Variants in SNX1 observed in about 807,000 individuals in gnomAD.
The protein encoded by SNX1 is sorting nexin-1.
In SNX1, 36 loss-of-function variants were observed where a neutral mutation model predicts 71.8. The ratio of observed to expected loss-of-function variants is 0.50; its 90% CI spans 0.38 to 0.66. SNX1 has a LOEUF of 0.66. Ranked by LOEUF, SNX1 falls within the 30% of genes least tolerant of loss-of-function variation. The pLI, the probability that SNX1 is intolerant of heterozygous loss-of-function variation, is 0.00. For missense variants in SNX1, 612 were observed against 646.7 expected (o/e 0.95, Z 0.58); for synonymous variants, 254 against 240.7 (o/e 1.06, Z -0.51).
chr15:64,133,749 C>T (rs3784383), intron 11 of SNX1, among the ~76,000 whole-genome samples: 5,295 of 152,244 alleles, frequency 0.035, 215 homozygotes, highest in Admixed American at 0.13. Flanking sequence ...AGAAAATATT[C>T]GGGGAACTTT....
Position 64,142,618 on chromosome 15 carries a change from T to C in SNX1, c.*5000T>C, listed in dbSNP as rs1478164879. 3 of 455,640 alleles carry C rather than the reference T, an allele frequency of 6.6e-6. No individual in the cohort carries two copies. The highest frequency in any genetic ancestry group is 8.8e-6 in the Non-Finnish European group (2 of 226,738). The allele number at this position is 455,640 out of a possible 1,614,324, so 28.2% of individuals were successfully genotyped here. ...AAGTTTCATGCTTGATAATTAAAAT[T>C]TTCTGAGATAGGAATGTCATATTTA... On this transcript the variant is annotated 3_prime_UTR_variant, in exon 15 of 15. Coordinates refer to ENST00000559844, the MANE Select transcript of SNX1 (RefSeq NM_003099.5).
chr15:64,103,257 T>TAG (rs2080983398), intron 1 of SNX1, among the ~76,000 whole-genome samples: 1 of 152,236 alleles, frequency 6.6e-6, no homozygotes, highest in African/African-American at 2.4e-5. Flanking sequence ...GTTACATTTT[T>TAG]AGTTCTTTTA....
chr15:64,130,467 A>C, intron 10 of SNX1, 146 bp downstream of exon 10: 1 of 674,526 alleles, frequency 1.5e-6, no homozygotes, highest in Non-Finnish European at 2.6e-6. Flanking sequence ...GATAAAAAAA[A>C]GGTATGCCCT....
intron 9 of SNX1, 91 bp downstream of exon 9, chr15:64,130,120 C>CT: frequency 2.7e-6 from 4 of 1,473,388 alleles, no homozygotes; most frequent in African/African-American, 1.4e-5. Context: ...AGATTAGAAA[C>CT]TTTTTTATAA....
intron 2 of SNX1, among the ~76,000 whole-genome samples, chr15:64,117,578 A>G (rs2081143075): frequency 6.6e-6 from 1 of 152,348 alleles, no homozygotes; most frequent in Non-Finnish European, 1.5e-5. Context: ...AATTATAACA[A>G]GAATAAATAG....
chr15:64,127,334 C>A, intron 7 of SNX1, 82 bp downstream of exon 7: 1 of 1,069,006 alleles, frequency 9.4e-7, no homozygotes, highest in Non-Finnish European at 1.4e-6. Context: ...CGAGACAGTC[C>A]ATTGAGTTAG....
chr15:64,117,447 G>A (rs962740552), intron 2 of SNX1, among the ~76,000 whole-genome samples: 15 of 152,078 alleles, frequency 9.9e-5, no homozygotes, highest in African/African-American at 3.4e-4. Context: ...TAGTAGAGAC[G>A]GGGTTTCACC....
At chr15:64,097,322 T>G (rs1324571304) in intron 1 of SNX1, among the ~76,000 whole-genome samples, 2 of 152,226 alleles carry the variant, frequency 1.3e-5, no homozygotes, top group East Asian at 3.8e-4. Context: ...TTGGTTTAGC[T>G]TTAGGAAGTT....
chr15:64,106,794 A>G (rs1172451712), intron 1 of SNX1, among the ~76,000 whole-genome samples: 2 of 152,264 alleles, frequency 1.3e-5, no homozygotes, highest in African/African-American at 4.8e-5. Context: ...AGAAAGGGCA[A>G]GGAAACAGAT....
intron 2 of SNX1, among the ~76,000 whole-genome samples, chr15:64,112,947 A>T (rs1350814515): frequency 6.6e-6 from 1 of 152,176 alleles, no homozygotes. Flanking sequence ...TGGAGGAATG[A>T]TAGAAATACT....
intron 6 of SNX1, among the ~76,000 whole-genome samples, chr15:64,126,705 G>A (rs1333112065): frequency 2.0e-5 from 3 of 151,990 alleles, no homozygotes; most frequent in Non-Finnish European, 2.9e-5. Context: ...TCAGCCTCCC[G>A]CTTAGCTGGG....
intron 7 of SNX1, 95 bp downstream of exon 7, chr15:64,127,347 A>C: frequency 1.1e-6 from 1 of 950,696 alleles, no homozygotes; most frequent in Non-Finnish European, 1.6e-6. Context: ...TGAGTTAGAG[A>C]TGAAACGTGA....
At chr15:64,126,253 GT>G (rs1411016039) in intron 6 of SNX1, 33 bp downstream of exon 6, 4 of 1,602,528 alleles carry the variant, frequency 2.5e-6, no homozygotes, top group Non-Finnish European at 3.4e-6. Flanking sequence ...CACTTGGATT[GT>G]TTTCCTTTGC....
At chr15:64,100,069 T>C (rs960625145) in intron 1 of SNX1, among the ~76,000 whole-genome samples, 1 of 152,218 alleles carries the variant, frequency 6.6e-6, no homozygotes, top group African/African-American at 2.4e-5. Context: ...TTGTTTCATG[T>C]TGGAGACAGA....
chr15:64,112,322 C>T (rs1022439524), intron 1 of SNX1, among the ~76,000 whole-genome samples: 3 of 152,174 alleles, frequency 2.0e-5, no homozygotes, highest in Non-Finnish European at 2.9e-5. Flanking sequence ...TACACATACC[C>T]ATGTTGGTAT....
chr15:64,134,566 C>T lies in SNX1; in HGVS notation c.1222-98C>T. The T allele has an allele frequency of 7.0e-7, 1 of 1,429,992 alleles. No homozygotes were observed. The allele number at this position is 1,429,992 out of a possible 1,614,324, so 88.6% of individuals were successfully genotyped here. A position where few individuals can be genotyped will look rare whatever the true frequency, so the allele number is the denominator to read the frequency against. ...GCTGCAGAACCTGCCCTTGCTCAGT[C>T]TGTCCCTGGTGCAGCTGCTGGGAGA... On this transcript the variant is annotated intron_variant, in intron 11 of 14. Coordinates refer to ENST00000559844, the MANE Select transcript of SNX1 (RefSeq NM_003099.5). This position sits in a 1 kb window ranked among gnomAD's most constrained non-coding sequence, Gnocchi z 4.1.
chr15:64,137,972 G>A lies in SNX1; in HGVS notation c.*354G>A, dbSNP rs1373576479. 47 of 1,444,088 alleles carry A rather than the reference G, an allele frequency of 3.3e-5. No individual in the cohort carries two copies. The highest frequency in any genetic ancestry group is 4.2e-5 in the Non-Finnish European group (46 of 1,106,500). 89.5% of individuals were successfully genotyped at this position (1,444,088 alleles called of 1,614,324 possible). A position where few individuals can be genotyped will look rare whatever the true frequency, so the allele number is the denominator to read the frequency against. ...TTTCTGTTACTCCTGATGGTGCCAT[G>A]AAAAGGTTATGTAATAAAATATTTT... is the stretch of plus-strand genomic sequence containing the variant. On this transcript the variant is annotated 3_prime_UTR_variant, in exon 15 of 15. Coordinates refer to ENST00000559844, the MANE Select transcript of SNX1 (RefSeq NM_003099.5).
At chr15:64,136,777 T>G in intron 13 of SNX1, 84 bp from the exon 14 acceptor site, 1 of 971,646 alleles carries the variant, frequency 1.0e-6, no homozygotes, top group Non-Finnish European at 1.6e-6. Flanking sequence ...AGACTGTGTT[T>G]GGCCTTGGTC....
At chr15:64,113,291 C>A (rs1314945229) in intron 2 of SNX1, among the ~76,000 whole-genome samples, 1 of 152,130 alleles carries the variant, frequency 6.6e-6, no homozygotes, top group Non-Finnish European at 1.5e-5. Context: ...CTGGATAATT[C>A]TTTGTTGAGG....
Sources: gnomAD v4.1 joint callset for allele counts (sites outside exome capture counted in the v4.1 genomes callset) on GRCh38, gnomAD v4.1.1 for gene constraint, Gnocchi (gnomAD v3.1) non-coding constraint, MANE v1.5 for transcripts, NCBI Gene and HGNC (gene_info 2026-07-23, HGNC 2026-07-21) for gene names.